The following SYNE1 variants were observed in gnomAD, a reference collection of about 807,000 sequenced individuals.
The protein encoded by SYNE1 is spectrin repeat containing nuclear envelope protein 1.
SYNE1 carries 616 observed loss-of-function variants against 1,111.0 expected under a neutral mutation model. That is an observed-to-expected ratio of 0.55 (90% CI 0.52 to 0.59). The LOEUF is 0.59. Ranked by LOEUF, SYNE1 falls within the 20% of genes least tolerant of loss-of-function variation. The pLI is 0.00. For synonymous variants in SYNE1, 3,855 were observed against 3,825.8 expected (o/e 1.01, Z -0.28); for missense variants, 10,006 against 10,417.0 (o/e 0.96, Z 1.72).
Position 152,339,222 on chromosome 6 carries a change from T to C in SYNE1, c.12351+19A>G, listed in dbSNP as rs372436268. On this transcript the variant is annotated intron_variant, in intron 75 of 145. Coordinates refer to ENST00000367255, the MANE Select transcript of SYNE1 (RefSeq NM_182961.4). ...TATAATAAAACAAACAAATTCAATG[T>C]GATTTTTCATTTTCTTACCGTTTGC... 2 of 1,612,646 alleles carry C rather than the reference T, an allele frequency of 1.2e-6. No individual in the cohort carries two copies. The highest frequency in any genetic ancestry group is 1.3e-5 in the African/African-American group (1 of 75,002).
intron 53 of SYNE1, among the ~76,000 whole-genome samples, chr6:152,389,261 C>T (rs2097570599): frequency 6.6e-6 from 1 of 152,068 alleles, no homozygotes; most frequent in African/African-American, 2.4e-5. Context: ...TAGGTAAACT[C>T]GTGTCATGGG....
Position 152,407,047 on chromosome 6 carries a change from G to A in SYNE1, c.6690C>T (p.His2230=). ...MAENISNLDN[H]LRAEELLKEF... is the part of the protein sequence containing the mutation. The stretch of plus-strand genomic sequence containing the variant: ...CTTTAAGCAGTTCTTCAGCTCTGAG[G>A]TGGTTATCCAGGTTGCTGATGTTTT... The change falls in exon 45 of 146, where the codon CAC becomes CAT. Residue 2230 remains histidine, a synonymous_variant. Coordinates refer to ENST00000367255, the MANE Select transcript of SYNE1 (RefSeq NM_182961.4). 2 of 1,613,818 alleles carry A rather than the reference G, an allele frequency of 1.2e-6. No homozygotes were observed. The highest frequency in any genetic ancestry group is 1.7e-6 in the Non-Finnish European group (2 of 1,179,998).
At chr6:152,506,341 A>G (rs1360293336) in intron 8 of SYNE1, among the ~76,000 whole-genome samples, 1 of 152,164 alleles carries the variant, frequency 6.6e-6, no homozygotes, top group Non-Finnish European at 1.5e-5. Context: ...TAACTAGGGA[A>G]CATTCAATGG....
chr6:152,234,604 A>C, intron 111 of SYNE1, 64 bp downstream of exon 111: 1 of 1,602,348 alleles, frequency 6.2e-7, no homozygotes, highest in Non-Finnish European at 8.6e-7. Context: ...CTTCTTTTCT[A>C]CTGGTGTATG....
At chr6:152,598,178 G>T (rs913058109) in intron 3 of SYNE1, among the ~76,000 whole-genome samples, 1 of 152,034 alleles carries the variant, frequency 6.6e-6, no homozygotes, top group Non-Finnish European at 1.5e-5. Context: ...GGAGGGACCC[G>T]GTGGGAGGTA....
Position 152,219,178 on chromosome 6 carries a change from A to G in SYNE1, c.21869T>C (p.Leu7290Pro). 6.2e-7 allele frequency: 1 copy of G among 1,613,760 alleles called. No individual in the cohort carries two copies. The highest frequency in any genetic ancestry group is 8.5e-7 in the Non-Finnish European group (1 of 1,179,916). ...ATWIQDCNDL[L>P]KGLGTVKDSL... ...ATCTTTAACTGTGCCCAGTCCTTTG[A>G]GGAGGTCCTAGAAGAGGTGAAAATA... is the stretch of plus-strand genomic sequence containing the variant. Residue 7290 changes from leucine to proline, a missense_variant, in exon 120 of 146, where the codon CTC (leucine) becomes CCC (proline). Leu to Pro is a moderately conservative substitution (Grantham distance 98). Around this residue, in one of 7 missense-constraint regions of SYNE1, gnomAD observed 2,182 missense variants for 2,287.8 expected, o/e 0.95. Transcript: ENST00000367255.
chr6:152,285,478 C>A (rs1262066051), intron 95 of SYNE1, among the ~76,000 whole-genome samples: 1 of 152,164 alleles, frequency 6.6e-6, no homozygotes, highest in African/African-American at 2.4e-5. Flanking sequence ...GTACTGGATT[C>A]TTGCTGTGAA....
intron 3 of SYNE1, among the ~76,000 whole-genome samples, chr6:152,590,293 C>A (rs2099555251): frequency 6.6e-6 from 1 of 151,660 alleles, no homozygotes; most frequent in African/African-American, 2.4e-5. Context: ...AAATAGTCAC[C>A]TGAGGCATAA....
chr6:152,184,060 T>A lies in SYNE1; in HGVS notation c.23302-3766A>T, dbSNP rs180949296. Among the ~76,000 whole-genome samples the A allele has an allele frequency of 3.3e-5, 5 of 152,338 alleles. No homozygotes were observed. In the East Asian group the frequency reaches 7.7e-4, roughly 23 times the overall value. On this transcript the variant is annotated intron_variant, in intron 128 of 145. Coordinates refer to ENST00000367255, the MANE Select transcript of SYNE1 (RefSeq NM_182961.4). ...ATTCATTAAACAAATGTTTATTGTC[T>A]GTAGTAAACAAGTGTCTCTATGTGC...
chr6:152,315,953 G>C (rs1032930372), intron 87 of SYNE1: 3 of 152,074 alleles, frequency 2.0e-5, no homozygotes, highest in Non-Finnish European at 4.4e-5. Flanking sequence ...TCATTTAAAG[G>C]CCACAAGGAT....
At chr6:152,153,385 G>C (rs1052251152) in intron 133 of SYNE1, among the ~76,000 whole-genome samples, 6 of 152,138 alleles carry the variant, frequency 3.9e-5, no homozygotes, top group African/African-American at 1.4e-4. Context: ...GATTGGACCA[G>C]CTAAAGACTG....
At chr6:152,447,335 A>G in intron 29 of SYNE1, 123 bp downstream of exon 29, 1 of 1,121,764 alleles carries the variant, frequency 8.9e-7, no homozygotes, top group Non-Finnish European at 1.3e-6. Context: ...AAAGCATAAC[A>G]ACAATTCTGT....
intron 4 of SYNE1, among the ~76,000 whole-genome samples, chr6:152,531,938 G>A (rs748063135): frequency 7.2e-5 from 11 of 152,152 alleles, no homozygotes; most frequent in Non-Finnish European, 1.6e-4. Context: ...TCTGGCTATT[G>A]TGATTAATGC....
At chr6:152,422,619 C>G (rs1412850955) in intron 39 of SYNE1, among the ~76,000 whole-genome samples, 7 of 152,172 alleles carry the variant, frequency 4.6e-5, no homozygotes, top group African/African-American at 1.4e-4. Context: ...CCTCCTGCCT[C>G]AGCTTTCTGA....
intron 42 of SYNE1, among the ~76,000 whole-genome samples, chr6:152,410,726 C>T (rs1192618832): frequency 6.6e-6 from 1 of 152,124 alleles, no homozygotes; most frequent in Admixed American, 6.6e-5. Flanking sequence ...GGGAGACTAT[C>T]TCATAAAAGA....
intron 12 of SYNE1, among the ~76,000 whole-genome samples, chr6:152,485,949 C>A (rs539349466): frequency 1.3e-5 from 2 of 152,278 alleles, no homozygotes; most frequent in East Asian, 3.9e-4. Flanking sequence ...GTAACCCCAG[C>A]ACTTTTGGAG....
chr6:152,305,707 C>T (rs1322587199), intron 91 of SYNE1, among the ~76,000 whole-genome samples: 2 of 152,168 alleles, frequency 1.3e-5, no homozygotes, highest in African/African-American at 4.8e-5. Flanking sequence ...AAACCCTCTT[C>T]CCAATTTGTA....
intron 17 of SYNE1, 94 bp downstream of exon 17, chr6:152,465,888 C>T (rs542392825): frequency 1.4e-5 from 13 of 949,202 alleles, no homozygotes; most frequent in Admixed American, 1.9e-5. Context: ...TCAAAAATTC[C>T]ACGGACAGAA....
In SYNE1 at chr6:152,284,455, C is replaced by A. The variant is rs546811093; in HGVS notation, c.18013-283G>T. Among the ~76,000 whole-genome samples, 26 of 151,760 alleles carry A rather than the reference C, an allele frequency of 1.7e-4. 1 individual carries two copies. The highest frequency in any genetic ancestry group is 4.6e-4 in the Admixed American group (7 of 15,226). On this transcript the variant is annotated intron_variant, in intron 95 of 145. Coordinates refer to ENST00000367255, the MANE Select transcript of SYNE1 (RefSeq NM_182961.4). ...TGTAATACAAGGATCATCTGTAATA[C>A]CAACTTATTTTTTATTTTTTAGAGA...
Sources: gnomAD v4.1 joint callset for allele counts (sites outside exome capture counted in the v4.1 genomes callset) on GRCh38, gnomAD v4.1.1 for gene constraint, gnomAD v4.1.1 regional missense constraint, MANE v1.5 for transcripts, NCBI Gene and HGNC (gene_info 2026-07-23, HGNC 2026-07-21) for gene names.